Variants in NEBL observed in about 807,000 individuals in gnomAD.
The protein encoded by NEBL is nebulette.
A neutral mutation model predicts 140.2 loss-of-function variants in NEBL; 122 were observed. The ratio of observed to expected loss-of-function variants is 0.87; its 90% CI spans 0.75 to 1.01. The LOEUF (loss-of-function observed/expected upper bound fraction) is 1.01. Ranked by LOEUF, NEBL falls within the 50% of genes least tolerant of loss-of-function variation. NEBL has a pLI of 0.00. For missense variants in NEBL, 1,365 were observed against 1,231.3 expected, an observed-to-expected ratio of 1.11 and a Z score of -1.62; for synonymous variants, 436 against 398.9, an observed-to-expected ratio of 1.09 and a Z score of -1.11.
chr10:20,960,886 G>A (rs529821568), intron 4 of NEBL, among the ~76,000 whole-genome samples: 8 of 152,166 alleles, frequency 5.3e-5, no homozygotes, highest in African/African-American at 1.9e-4. Flanking sequence ...TACAGTTCTC[G>A]TGAAAAATGG....
chr10:21,272,633 A>G (rs1378320270), intron 1 of NEBL, among the ~76,000 whole-genome samples: 1 of 152,182 alleles, frequency 6.6e-6, no homozygotes, highest in Non-Finnish European at 1.5e-5. Context: ...TTCTTGCTCC[A>G]GATCCTCCGT....
At chr10:21,262,441 T>TG (rs1243744534) in intron 1 of NEBL, among the ~76,000 whole-genome samples, 5 of 152,154 alleles carry the variant, frequency 3.3e-5, no homozygotes, top group African/African-American at 1.2e-4. Flanking sequence ...CTGTTCCCTA[T>TG]GGGGGTCTCT....
chr10:20,961,715 G>A, exon 4 of NEBL: 3 of 1,613,894 alleles, frequency 1.9e-6, no homozygotes, highest in Non-Finnish European at 2.5e-6. Context: ...CTGTAGCTCA[G>A]GAGTGTCCGT....
chr10:20,940,181 G>A (rs923224367), intron 4 of NEBL, among the ~76,000 whole-genome samples: 15 of 152,040 alleles, frequency 9.9e-5, no homozygotes, highest in African/African-American at 3.6e-4. Context: ...CCACATAGTT[G>A]GAAGTAAAGC....
chr10:21,120,061 T>C (rs995073024), intron 2 of NEBL, among the ~76,000 whole-genome samples: 9 of 152,046 alleles, frequency 5.9e-5, no homozygotes, highest in African/African-American at 2.2e-4. Flanking sequence ...TTTGTTACTC[T>C]AGTAATGATG....
Position 21,235,862 on chromosome 10 carries a change from A to G in NEBL, n.348+12059T>C, listed in dbSNP as rs180926456. ...TTGTGCATCGATTTATGACACACCCATCTCATCTGAGATGTGGCGATCATT... is the reference window on the plus strand; with the variant it reads ...TTGTGCATCGATTTATGACACACCCGTCTCATCTGAGATGTGGCGATCATT... On this transcript the variant is annotated intron_variant and non_coding_transcript_variant, in intron 3 of 8. Coordinates refer to the NEBL transcript ENST00000675702. 1.1e-4 allele frequency among the ~76,000 whole-genome samples: 16 copies of G among 152,350 alleles called. No homozygotes were observed. The East Asian group carries it at 2.7e-3, about 26-fold the overall frequency.
chr10:21,146,913 G>GT (rs1272625696), intron 2 of NEBL, among the ~76,000 whole-genome samples: 1 of 152,122 alleles, frequency 6.6e-6, no homozygotes, highest in Non-Finnish European at 1.5e-5. Flanking sequence ...AGGCCTTAGG[G>GT]TTTTAGTCAA....
Position 21,228,983 on chromosome 10 carries a change from T to C in NEBL, n.348+18938A>G, listed in dbSNP as rs190545472. Among the ~76,000 whole-genome samples the C allele has an allele frequency of 3.7e-3, 557 of 151,858 alleles. 5 individuals are homozygous for C. Among genetic ancestry groups the C allele is most frequent in the African/African-American group, 0.013 (533 of 41,398 alleles). On this transcript the variant is annotated intron_variant and non_coding_transcript_variant, in intron 3 of 8. Transcript: ENST00000675702. ...GTCATAGCCTGCATCCCAGTAAGGA[T>C]AAATTAGGACATGAAGCAGAGCTCC...
chr10:21,030,024 A>G, intron 2 of NEBL: 2 of 482,038 alleles, frequency 4.1e-6, no homozygotes, highest in East Asian at 4.7e-5. Flanking sequence ...CTAAAGCCTC[A>G]TAATACTCCT....
intron 3 of NEBL, among the ~76,000 whole-genome samples, chr10:21,196,983 TTTCGTTTTCTCACA>T (rs1265033209): frequency 6.6e-6 from 1 of 152,238 alleles, no homozygotes; most frequent in African/African-American, 2.4e-5. Context: ...TCGGATGTTA[TTTCGTTTTCTCACA>T]TTCCCAGTTA....
intron 2 of NEBL, among the ~76,000 whole-genome samples, chr10:21,051,082 GA>G (rs1377462794): frequency 2.0e-5 from 3 of 151,992 alleles, no homozygotes; most frequent in African/African-American, 7.3e-5. Flanking sequence ...CAGCCAGGAT[GA>G]AAAAAGAAGA....
chr10:20,900,691 G>A (rs12255917), upstream of NEBL, among the ~76,000 whole-genome samples: 7,840 of 150,340 alleles, frequency 0.052, 679 homozygotes, highest in African/African-American at 0.17. Context: ...AAAATTAGCC[G>A]AGTGTGATGG....
chr10:21,278,818 G>C (rs1842955829), intron 1 of NEBL, among the ~76,000 whole-genome samples: 1 of 152,142 alleles, frequency 6.6e-6, no homozygotes, highest in Non-Finnish European at 1.5e-5. Flanking sequence ...GTTCTCTGCA[G>C]GGCCAAGGTT....
chr10:20,853,379 T>G (rs1292818379), intron 9 of NEBL, among the ~76,000 whole-genome samples: 1 of 152,144 alleles, frequency 6.6e-6, no homozygotes, highest in African/African-American at 2.4e-5. Context: ...CAGGCAGCAA[T>G]ATGACAAAAA....
chr10:21,182,095 T>A (rs957826526), intron 3 of NEBL, among the ~76,000 whole-genome samples: 11 of 151,242 alleles, frequency 7.3e-5, no homozygotes, highest in African/African-American at 2.4e-4. Context: ...AGACTCATTT[T>A]AAAAAATCTG....
At chr10:20,957,579 GAT>G (rs1835865693) in intron 4 of NEBL, among the ~76,000 whole-genome samples, 3 of 152,110 alleles carry the variant, frequency 2.0e-5, no homozygotes, top group Non-Finnish European at 2.9e-5. Flanking sequence ...AGTCTATACT[GAT>G]CTAGGAAAAT....
intron 1 of NEBL, among the ~76,000 whole-genome samples, chr10:21,256,251 A>G (rs896205405): frequency 7.9e-5 from 12 of 152,014 alleles, no homozygotes; most frequent in African/African-American, 2.4e-4. Flanking sequence ...TATTTTTAGT[A>G]GAGATGGGGT....
chr10:21,156,033 G>A (rs1589292891), intron 2 of NEBL, among the ~76,000 whole-genome samples: 2 of 152,020 alleles, frequency 1.3e-5, no homozygotes, highest in African/African-American at 2.4e-5. Flanking sequence ...TCAAAACAAC[G>A]GTTCATAGAA....
chr10:21,054,272 A>T (rs1834913135), intron 2 of NEBL, among the ~76,000 whole-genome samples: 1 of 151,898 alleles, frequency 6.6e-6, no homozygotes. Flanking sequence ...TGTTATTGTT[A>T]TCATTACTAT....
Sources: gnomAD v4.1 joint callset for allele counts (sites outside exome capture counted in the v4.1 genomes callset) on GRCh38, gnomAD v4.1.1 for gene constraint, MANE v1.5 for transcripts, NCBI Gene and HGNC (gene_info 2026-07-23, HGNC 2026-07-21) for gene names.